The following CDKL3 variants were observed in gnomAD, a reference collection of about 807,000 sequenced individuals.
The protein encoded by CDKL3 is cyclin dependent kinase like 3, also known as cyclin-dependent kinase-like 3.
A neutral mutation model predicts 69.3 loss-of-function variants in CDKL3; 65 were observed. The ratio of observed to expected loss-of-function variants is 0.94; its 90% confidence interval spans 0.77 to 1.15. CDKL3 has a LOEUF of 1.15. Ranked by LOEUF, CDKL3 falls within the 50% of genes most tolerant of loss-of-function variation. CDKL3 has a pLI of 0.00. For synonymous variants in CDKL3, 202 were observed against 221.6 expected (o/e 0.91, Z 0.79); for missense variants, 652 against 689.2 (o/e 0.95, Z 0.61).
intron 8 of CDKL3, among the ~76,000 whole-genome samples, chr5:134,286,764 A>G (rs559270544): frequency 1.2e-4 from 19 of 152,240 alleles, no homozygotes; most frequent in African/African-American, 4.6e-4. Flanking sequence ...CTATTATGAG[A>G]ACAGCACAGG....
At chr5:134,284,161 G>A (rs1287141168), downstream of CDKL3, among the ~76,000 whole-genome samples, 6 of 152,070 alleles carry the variant, frequency 3.9e-5, no homozygotes, top group Admixed American at 3.9e-4. Flanking sequence ...GTGAATAGTG[G>A]GGGAACCAGC....
chr5:134,367,810 G>A (rs1279629356), upstream of CDKL3, among the ~76,000 whole-genome samples: 4 of 152,236 alleles, frequency 2.6e-5, no homozygotes, highest in South Asian at 2.1e-4. Flanking sequence ...CAAGTAATTC[G>A]AAGAGTTCCA....
chr5:134,363,370 T>C (rs576067928), intron 2 of CDKL3, among the ~76,000 whole-genome samples: 1 of 151,906 alleles, frequency 6.6e-6, no homozygotes, highest in African/African-American at 2.4e-5. Flanking sequence ...CTCGGCTCAC[T>C]GAAACCTCCG....
chr5:134,351,679 A>G (rs995605020), intron 3 of CDKL3, among the ~76,000 whole-genome samples: 13 of 152,262 alleles, frequency 8.5e-5, no homozygotes, highest in Middle Eastern at 3.4e-3. Flanking sequence ...CAGGCTGATC[A>G]TGAGTGCTGG....
At chr5:134,357,581 G>A (rs999129658) in intron 3 of CDKL3, among the ~76,000 whole-genome samples, 4 of 152,082 alleles carry the variant, frequency 2.6e-5, no homozygotes, top group East Asian at 1.9e-4. Flanking sequence ...GCAGTGAGCC[G>A]AGATCCTGCC....
intron 4 of CDKL3, among the ~76,000 whole-genome samples, chr5:134,342,826 T>G (rs1276723174): frequency 6.6e-6 from 1 of 152,160 alleles, no homozygotes; most frequent in Non-Finnish European, 1.5e-5. Context: ...GGACCTAGAA[T>G]AGCCAAAACA....
intron 8 of CDKL3, among the ~76,000 whole-genome samples, chr5:134,292,371 G>A (rs1169261423): frequency 6.6e-6 from 1 of 151,806 alleles, no homozygotes; most frequent in African/African-American, 2.4e-5. Context: ...CTAAATAAAT[G>A]GATCAAATAA....
At chr5:134,293,241 A>G (rs1293905386) in intron 8 of CDKL3, among the ~76,000 whole-genome samples, 1 of 151,532 alleles carries the variant, frequency 6.6e-6, no homozygotes, top group East Asian at 1.9e-4. Context: ...GCTGGTCTCA[A>G]ACTCCCAATG....
Position 134,319,338 on chromosome 5 carries a change from G to GGA in CDKL3, c.792+19_792+20insTC. Reference sequence around the variant, plus strand: ...GAGCAAGACTCTGTCTCCGGGGGAGGAAAAAAAAAAAAAACATACATGAAC... The same window carrying GGA: ...GAGCAAGACTCTGTCTCCGGGGGAGGGAAAAAAAAAAAAAAACATACATGAAC... On this transcript the variant is annotated intron_variant, in intron 6 of 12. Coordinates refer to ENST00000265334, the MANE Select transcript of CDKL3 (RefSeq NM_001113575.2). 8.2e-7 allele frequency: 1 copy of GGA among 1,219,274 alleles called. No homozygotes were observed. The highest frequency in any genetic ancestry group is 1.1e-6 in the Non-Finnish European group (1 of 912,180). 75.5% of individuals were successfully genotyped at this position (1,219,274 alleles called of 1,614,324 possible).
chr5:134,371,492 CGGCGGCGGCGGCGAT>C, upstream of CDKL3: 1 of 1,374,544 alleles, frequency 7.3e-7, no homozygotes, highest in Non-Finnish European at 9.6e-7. Flanking sequence ...GCGGCGGCGG[CGGCGGCGGCGGCGAT>C]CCACAGTGAT....
intron 8 of CDKL3, among the ~76,000 whole-genome samples, chr5:134,291,916 G>C (rs2149404587): frequency 6.6e-6 from 1 of 152,140 alleles, no homozygotes; most frequent in Non-Finnish European, 1.5e-5. Flanking sequence ...AACAGGTAAG[G>C]GTGAATTTTA....
chr5:134,341,879 G>A (rs1038919306), intron 4 of CDKL3, among the ~76,000 whole-genome samples: 1 of 152,220 alleles, frequency 6.6e-6, no homozygotes, highest in African/African-American at 2.4e-5. Flanking sequence ...GAACCAATCT[G>A]TGGGCCCTAC....
At chr5:134,361,476 C>T (rs1756001464) in intron 2 of CDKL3, among the ~76,000 whole-genome samples, 1 of 152,206 alleles carries the variant, frequency 6.6e-6, no homozygotes, top group Non-Finnish European at 1.5e-5. Context: ...AACGAAGAGA[C>T]TAAAGTCCTT....
At position 134,304,422 on chromosome 5, in the gene CDKL3, T is replaced by G; in HGVS notation, c.1604A>C (p.Asp535Ala). 1 of 1,611,084 alleles carries G rather than the reference T, an allele frequency of 6.2e-7. No homozygotes were observed. Among genetic ancestry groups the G allele is most frequent in the South Asian group, 1.1e-5 (1 of 90,392 alleles). ...PELPVTIQSK[D>A]TKGMEVKQIK... ...ATGTGTACCTTCCATTCCTTTTGTA[T>G]CTTTTGACTGTATTGTGACAGGCAA... The change falls in exon 11 of 13, where the codon GAT (aspartate) becomes GCT (alanine). Residue 535 changes from aspartate to alanine, a missense_variant. Physicochemically the swap from Asp to Ala is moderately radical, Grantham distance 126. Coordinates refer to ENST00000265334, the MANE Select transcript of CDKL3 (RefSeq NM_001113575.2).
At chr5:134,346,945 T>C (rs1180245503) in intron 4 of CDKL3, among the ~76,000 whole-genome samples, 1 of 152,174 alleles carries the variant, frequency 6.6e-6, no homozygotes. Context: ...ATCTTTAAAA[T>C]TGATAAACAA....
chr5:134,365,157 T>C (rs915793340), intron 2 of CDKL3, among the ~76,000 whole-genome samples: 1 of 151,914 alleles, frequency 6.6e-6, no homozygotes, highest in Non-Finnish European at 1.5e-5. Flanking sequence ...TAATTTTTTG[T>C]ATTTTTTAGT....
intron 2 of CDKL3, among the ~76,000 whole-genome samples, chr5:134,361,911 T>G (rs1252287145): frequency 6.6e-6 from 1 of 151,956 alleles, no homozygotes; most frequent in Non-Finnish European, 1.5e-5. Flanking sequence ...TCTCAAGGAA[T>G]TGATTGCTTT....
chr5:134,355,434 G>A (rs187426251), intron 3 of CDKL3, among the ~76,000 whole-genome samples: 1 of 152,236 alleles, frequency 6.6e-6, no homozygotes, highest in Non-Finnish European at 1.5e-5. Context: ...TCTGAGGGAT[G>A]AGCAGAAGTA....
At chr5:134,358,662 T>G (rs1375255937) in intron 3 of CDKL3, among the ~76,000 whole-genome samples, 1 of 152,130 alleles carries the variant, frequency 6.6e-6, no homozygotes, top group Non-Finnish European at 1.5e-5. Context: ...CAGGATGCAG[T>G]GGTGCAATCA....
Sources: allele counts gnomAD v4.1 joint callset (sites outside exome capture counted in the v4.1 genomes callset), GRCh38; gene constraint gnomAD v4.1.1; transcripts MANE v1.5; gene names NCBI Gene and HGNC (gene_info 2026-07-23, HGNC 2026-07-21).